Variants in BMP7 observed in about 807,000 individuals in gnomAD.
BMP7 encodes the protein bone morphogenetic protein 7, also known as osteogenic protein 1.
A neutral mutation model predicts 41.2 loss-of-function variants in BMP7; 12 were observed. That is an observed-to-expected ratio of 0.29 (90% confidence interval 0.19 to 0.47). The LOEUF (loss-of-function observed/expected upper bound fraction) is 0.47. BMP7 is among the 20% of genes least tolerant of loss of function. BMP7 has a pLI of 0.99. For missense variants in BMP7, 467 were observed against 606.0 expected, an observed-to-expected ratio of 0.77 and a Z score of 2.41; for synonymous variants, 248 against 250.0, an observed-to-expected ratio of 0.99 and a Z score of 0.07.
intron 2 of BMP7, among the ~76,000 whole-genome samples, chr20:57,223,233 A>AAAAG: frequency 6.7e-6 from 1 of 148,320 alleles, no homozygotes; most frequent in African/African-American, 2.5e-5. Context: ...CCATCTCAAA[A>AAAAG]AAAAAAAAAA....
chr20:57,219,748 C>T (rs946749673), intron 2 of BMP7, among the ~76,000 whole-genome samples: 2 of 152,208 alleles, frequency 1.3e-5, no homozygotes. Flanking sequence ...GCCAAAGTCA[C>T]CCTTCGGGGT....
At chr20:57,243,660 A>T (rs1383233707) in intron 1 of BMP7, among the ~76,000 whole-genome samples, 1 of 152,066 alleles carries the variant, frequency 6.6e-6, no homozygotes. Context: ...GGCGAGTGGT[A>T]TCCTGCTGGT....
chr20:57,201,763 G>C (rs1984625247), intron 3 of BMP7, among the ~76,000 whole-genome samples: 2 of 152,282 alleles, frequency 1.3e-5, no homozygotes, highest in South Asian at 4.1e-4. Flanking sequence ...TTTCTTATCT[G>C]TTTGGGGTGG....
At chr20:57,208,954 T>C (rs1477539010) in intron 2 of BMP7, among the ~76,000 whole-genome samples, 3 of 151,524 alleles carry the variant, frequency 2.0e-5, no homozygotes, top group Non-Finnish European at 4.4e-5. Flanking sequence ...GAGGTAGAGG[T>C]AGGCAGATTG....
intron 1 of BMP7, among the ~76,000 whole-genome samples, chr20:57,245,697 G>A (rs2066087820): frequency 6.8e-6 from 1 of 146,360 alleles, no homozygotes; most frequent in Non-Finnish European, 1.5e-5. Context: ...GGAGTGCAGT[G>A]GCGTGATCTC....
intron 1 of BMP7, among the ~76,000 whole-genome samples, chr20:57,230,945 G>T (rs564053706): frequency 2.6e-5 from 4 of 152,088 alleles, no homozygotes; most frequent in Admixed American, 2.6e-4. Flanking sequence ...ACAAAGTGCT[G>T]GGATTACAGG....
At position 57,204,393 on chromosome 20, in the gene BMP7, T is replaced by G. The variant is rs73614396; in HGVS notation, c.612-1770A>C. Among the ~76,000 whole-genome samples, 1,639 of 152,310 alleles carry G rather than the reference T, an allele frequency of 0.011. 86 individuals carry two copies. The East Asian group carries it at 0.18, about 17-fold the overall frequency. ...GCTGCATGCCATAATATGTTAGACA[T>G]TCGTCAGGCACATCAATGTGAACAA... is the stretch of plus-strand genomic sequence containing the variant. On this transcript the variant is annotated intron_variant, in intron 2 of 6. Transcript: ENST00000395863.
rs777202520 is a variant in BMP7, at chr20:57,265,955, G to A, written c.168C>T (p.Arg56=). ...GCAAGCCCAAAATGGAGAGGATCTC[G>A]CGCTGCATCTCCCGCCGCTCCTGGC... The part of the protein sequence containing the change: ...LRSQERREMQ[R]EILSILGLPH... Residue 56 remains arginine (R), a synonymous_variant, in exon 1 of 7, where the codon CGC becomes CGT. Transcript: ENST00000395863. The A allele has an allele frequency of 3.2e-5, 50 of 1,551,926 alleles. No individual in the cohort carries two copies. Among genetic ancestry groups the A allele is most frequent in the Non-Finnish European group, 4.3e-5 (49 of 1,147,642 alleles).
chr20:57,260,294 C>T lies in BMP7; in HGVS notation c.418+5411G>A, dbSNP rs575489754. ...TGACCTGCAATAGAAAGAACCAGCT[C>T]GCTTCTTGAAGGACCAGCATCCCCA... On this transcript the variant is annotated intron_variant, in intron 1 of 6. Coordinates refer to ENST00000395863, the MANE Select transcript of BMP7 (RefSeq NM_001719.3). Among the ~76,000 whole-genome samples, 14 of 152,260 alleles carry T rather than the reference C, an allele frequency of 9.2e-5. No homozygotes were observed. In the South Asian group the frequency reaches 1.5e-3, roughly 16 times the overall value.
chr20:57,192,992 G>A (rs1319463102), intron 3 of BMP7, among the ~76,000 whole-genome samples: 7 of 152,152 alleles, frequency 4.6e-5, no homozygotes, highest in Non-Finnish European at 7.4e-5. Context: ...AGGTGGGAAA[G>A]GGGCCCGGCC....
chr20:57,233,003 T>C (rs1437599879), intron 1 of BMP7, among the ~76,000 whole-genome samples: 1 of 152,188 alleles, frequency 6.6e-6, no homozygotes, highest in African/African-American at 2.4e-5. Context: ...ATCTACACCA[T>C]TTCAACTCAA....
chr20:57,247,577 G>C (rs1168505230), intron 1 of BMP7, among the ~76,000 whole-genome samples: 2 of 152,274 alleles, frequency 1.3e-5, no homozygotes, highest in African/African-American at 4.8e-5. Flanking sequence ...AGTCTCCCAC[G>C]GGAATAAGCA....
rs1344682059 is a variant in BMP7 at position 57,266,117 on chromosome 20, G to T, written c.6C>A (p.His2Gln). The T allele has an allele frequency of 1.3e-6, 2 of 1,532,068 alleles. No homozygotes were observed. Among genetic ancestry groups the T allele is most frequent in the African/African-American group, 1.4e-5 (1 of 72,894 alleles). 94.9% of individuals were successfully genotyped at this position (1,532,068 alleles called of 1,614,324 possible). The change falls in exon 1 of 7, where the codon CAC becomes CAA. Residue 2 changes from histidine (H) to glutamine (Q), a missense_variant. His to Gln is a conservative substitution (Grantham distance 24). Coordinates refer to ENST00000395863, the MANE Select transcript of BMP7 (RefSeq NM_001719.3). Reference protein sequence around the residue: MHVRSLRAAAPH... With the variant: MQVRSLRAAAPH... ...GCGCCGCAGCTCGCAGTGAGCGCAC[G>T]TGCATCGCGCCGGCTCTACGCGCTA...
chr20:57,233,913 A>T (rs2066038032), intron 1 of BMP7, among the ~76,000 whole-genome samples: 2 of 152,190 alleles, frequency 1.3e-5, no homozygotes, highest in Admixed American at 6.5e-5. Flanking sequence ...ACAAAACTAA[A>T]CGAACACAAT....
At chr20:57,173,525 C>T (rs1305262396) in intron 5 of BMP7, 4 of 630,058 alleles carry the variant, frequency 6.3e-6, no homozygotes, top group East Asian at 2.7e-5. Flanking sequence ...ACTCTATAGT[C>T]TTGGCCTATA....
At chr20:57,251,518 C>G (rs1021320593) in intron 1 of BMP7, among the ~76,000 whole-genome samples, 1 of 152,138 alleles carries the variant, frequency 6.6e-6, no homozygotes, top group Non-Finnish European at 1.5e-5. Context: ...AGGAGTCTTC[C>G]GAGGGGACAT....
Position 57,228,493 on chromosome 20 carries a change from G to A in BMP7, c.419-72C>T, listed in dbSNP as rs925876738. On this transcript the variant is annotated intron_variant, in intron 1 of 6. Coordinates refer to ENST00000395863, the MANE Select transcript of BMP7 (RefSeq NM_001719.3). The surrounding 1 kb of genome is among the most constrained non-coding windows in gnomAD (Gnocchi z 4.5). ...TCTGGGTTTCACTCTCTGGCTCTGA[G>A]TCCAAGCATCTTGCCTAAGCTAGAT... 51 of 1,561,578 alleles carry A rather than the reference G, an allele frequency of 3.3e-5. No individual in the cohort carries two copies. Among genetic ancestry groups the A allele is most frequent in the Non-Finnish European group, 4.1e-5 (47 of 1,132,916 alleles).
intron 2 of BMP7, 82 bp from the exon 3 acceptor site, chr20:57,202,705 C>A: frequency 5.1e-5 from 38 of 747,420 alleles, no homozygotes; most frequent in East Asian, 1.8e-4. Flanking sequence ...AGCAGAGCCT[C>A]ATGGGGTGGG....
intron 2 of BMP7, chr20:57,225,939 C>G: frequency 2.1e-6 from 1 of 471,234 alleles, no homozygotes; most frequent in Non-Finnish European, 4.4e-6. Context: ...TGCCCTCAGG[C>G]ATGGCATGCA....
Sources: allele counts gnomAD v4.1 joint callset (sites outside exome capture counted in the v4.1 genomes callset), GRCh38; gene constraint gnomAD v4.1.1; non-coding constraint Gnocchi (gnomAD v3.1); transcripts MANE v1.5; gene names NCBI Gene and HGNC (gene_info 2026-07-23, HGNC 2026-07-21).